The following RYR2 variants were observed in gnomAD, a reference collection of about 807,000 sequenced individuals.
RYR2 encodes ryanodine receptor 2, also known as cardiac muscle ryanodine receptor-calcium release channel.
Under a neutral mutation model 601.1 loss-of-function variants are expected in RYR2, and 227 were observed. That is an observed-to-expected ratio of 0.38 (90% confidence interval 0.34 to 0.42). RYR2 has a LOEUF of 0.42. Ranked by LOEUF, RYR2 falls within the 10% of genes least tolerant of loss-of-function variation. The probability of loss-of-function intolerance (pLI) is 1.00; values close to 1 mark genes in which losing one functional copy is unlikely to be tolerated. For missense variants in RYR2, 4,646 were observed against 6,156.5 expected, an observed-to-expected ratio of 0.75 and a Z score of 8.21; for synonymous variants, 2,223 against 2,175.1, an observed-to-expected ratio of 1.02 and a Z score of -0.61.
At position 237,784,195 on chromosome 1, in the gene RYR2, G is replaced by A. The variant is rs2149354021; in HGVS notation, c.12483G>A (p.Glu4161=). The change falls in exon 90 of 105, where the codon GAG becomes GAA. Residue 4161 remains glutamate (E), a synonymous_variant. Transcript: ENST00000366574. The surrounding 1 kb of genome is among the most constrained non-coding windows in gnomAD (Gnocchi z 7.1). ...EISESSRTQW[E]KPQVKESKRQ... is the part of the protein sequence containing the mutation. ...GTGAGTCCAGCCGAACCCAGTGGGA[G>A]AAGCCCCAGGTCAAGGAGTCCAAAA... is the stretch of plus-strand genomic sequence containing the variant. 1 of 1,614,036 alleles carries A rather than the reference G, an allele frequency of 6.2e-7. No homozygotes were observed.
intron 25 of RYR2, among the ~76,000 whole-genome samples, chr1:237,547,647 T>C (rs1470117120): frequency 6.6e-6 from 1 of 152,194 alleles, no homozygotes; most frequent in African/African-American, 2.4e-5. Context: ...TGAAGCGCTG[T>C]GTGTCTGTGT....
intron 1 of RYR2, among the ~76,000 whole-genome samples, chr1:237,101,783 A>C (rs1038776880): frequency 1.3e-5 from 2 of 152,240 alleles, no homozygotes; most frequent in Non-Finnish European, 2.9e-5. Flanking sequence ...AAAAGAAATT[A>C]TACCAAGTGT....
At chr1:237,553,686 A>G (rs957165256) in intron 27 of RYR2, among the ~76,000 whole-genome samples, 4 of 151,882 alleles carry the variant, frequency 2.6e-5, no homozygotes, top group African/African-American at 9.7e-5. Flanking sequence ...ACATTTGTCC[A>G]TTTATTTTCA....
chr1:237,625,356 T>A (rs1679536355), intron 39 of RYR2, among the ~76,000 whole-genome samples: 1 of 152,026 alleles, frequency 6.6e-6, no homozygotes, highest in Non-Finnish European at 1.5e-5. Flanking sequence ...TGCCCAAGGG[T>A]TAGCCCAAAT....
At chr1:237,633,521 A>T (rs1680560497) in intron 42 of RYR2, 57 bp from the exon 43 acceptor site, 2 of 1,607,252 alleles carry the variant, frequency 1.2e-6, no homozygotes, top group Non-Finnish European at 1.7e-6. Flanking sequence ...CAACGTATGA[A>T]CTCAATTTTA....
intron 1 of RYR2, among the ~76,000 whole-genome samples, chr1:237,111,198 T>A (rs1669427299): frequency 6.6e-6 from 1 of 152,248 alleles, no homozygotes; most frequent in African/African-American, 2.4e-5. Flanking sequence ...TTCACAGCAC[T>A]GTGCTTGTTG....
Position 237,723,126 on chromosome 1 carries a change from A to C in RYR2, c.10555-2A>C, listed in dbSNP as rs1251118085. ...ATTGTAACCTTTTCCTTTTTTCTGCAGTTGGAGGATCCTGCTATTAGATGG... is the reference window on the plus strand; with the variant it reads ...ATTGTAACCTTTTCCTTTTTTCTGCCGTTGGAGGATCCTGCTATTAGATGG... On this transcript the variant is annotated splice_acceptor_variant, in intron 73 of 104. Transcript: ENST00000366574. LOFTEE classifies it high-confidence loss of function. 1 of 1,600,326 alleles carries C rather than the reference A, an allele frequency of 6.2e-7. No homozygotes were observed. The highest frequency in any genetic ancestry group is 8.5e-7 in the Non-Finnish European group (1 of 1,175,714).
intron 29 of RYR2, among the ~76,000 whole-genome samples, chr1:237,572,241 A>G (rs1227003654): frequency 6.6e-6 from 1 of 152,124 alleles, no homozygotes; most frequent in Non-Finnish European, 1.5e-5. Context: ...GGCTGCTACT[A>G]TGGATGTGAC....
chr1:237,293,062 A>G (rs1180373207), intron 2 of RYR2, among the ~76,000 whole-genome samples: 1 of 151,956 alleles, frequency 6.6e-6, no homozygotes, highest in Non-Finnish European at 1.5e-5. Context: ...GTGGGGGCTT[A>G]TCTCCACACA....
chr1:237,732,951 C>T (rs1690818547), intron 78 of RYR2, among the ~76,000 whole-genome samples: 1 of 152,184 alleles, frequency 6.6e-6, no homozygotes, highest in African/African-American at 2.4e-5. Flanking sequence ...CATTTGACCT[C>T]TTTGCCTGCC....
chr1:237,706,191 G>A (rs536168530), intron 67 of RYR2, among the ~76,000 whole-genome samples: 32 of 152,266 alleles, frequency 2.1e-4, no homozygotes, highest in African/African-American at 7.7e-4. Context: ...AGAGTTTGCA[G>A]TGAGCCAAGA....
chr1:237,378,007 A>T (rs1399345921), intron 8 of RYR2, among the ~76,000 whole-genome samples: 1 of 152,220 alleles, frequency 6.6e-6, no homozygotes, highest in Non-Finnish European at 1.5e-5. Context: ...TTTCATGCTG[A>T]TGATAAAGAC....
chr1:237,080,139 TAA>T, intron 1 of RYR2, among the ~76,000 whole-genome samples: 1 of 34,340 alleles, frequency 2.9e-5, no homozygotes, highest in African/African-American at 1.4e-4. Context: ...CAAGATGGAT[TAA>T]AGATTTAAAC....
In RYR2 at chr1:237,610,423, T is replaced by C. The variant is rs144693210; in HGVS notation, c.4684-339T>C. On this transcript the variant is annotated intron_variant, in intron 35 of 104. Coordinates refer to ENST00000366574, the MANE Select transcript of RYR2 (RefSeq NM_001035.3). This position sits in a 1 kb window ranked among gnomAD's most constrained non-coding sequence, Gnocchi z 4.9. ...TTGGCACTGAAAGTCCCTAAAGACT[T>C]GCCAGCTTTCCCGGAGGTCCCAGCC... 3.6e-3 allele frequency among the ~76,000 whole-genome samples: 543 copies of C among 152,216 alleles called. 1 individual carries two copies. The highest frequency in any genetic ancestry group is 0.012 in the African/African-American group (517 of 41,542).
chr1:237,205,354 C>G (rs1035916104), intron 1 of RYR2, among the ~76,000 whole-genome samples: 1 of 152,144 alleles, frequency 6.6e-6, no homozygotes, highest in African/African-American at 2.4e-5. Flanking sequence ...CTGCCTGCCA[C>G]GAAATGCTCT....
chr1:237,687,366 C>CTTTTTTTTTTTTTTTTT lies in RYR2; in HGVS notation c.9018-87_9018-71dup. 4 of 257,686 alleles carry CTTTTTTTTTTTTTTTTT rather than the reference C, an allele frequency of 1.6e-5. 1 individual carries two copies. Among genetic ancestry groups the CTTTTTTTTTTTTTTTTT allele is most frequent in the East Asian group, 1.5e-4 (2 of 12,960 alleles). 16.0% of individuals were successfully genotyped at this position (257,686 alleles called of 1,614,324 possible). ...CTGTTTTTTTTTCTTTTTTCTTCTT[C>CTTTTTTTTTTTTTTTTT]TTTTTTTTTTTTTTTTTTAATTTCC... On this transcript the variant is annotated intron_variant, in intron 62 of 104. Transcript: ENST00000366574.
intron 1 of RYR2, among the ~76,000 whole-genome samples, chr1:237,060,342 AGCCTTT>A (rs1019449231): frequency 3.9e-5 from 6 of 152,232 alleles, no homozygotes; most frequent in Non-Finnish European, 1.5e-5. Flanking sequence ...CTAATTTATT[AGCCTTT>A]CATAGACTGT....
At chr1:237,498,159 C>T (rs777869501) in intron 20 of RYR2, among the ~76,000 whole-genome samples, 1 of 152,094 alleles carries the variant, frequency 6.6e-6, no homozygotes, top group South Asian at 2.1e-4. Context: ...AGCCACCGTA[C>T]CCAGCCTCAA....
intron 27 of RYR2, among the ~76,000 whole-genome samples, chr1:237,563,373 C>T (rs528494783): frequency 3.3e-5 from 5 of 149,498 alleles, no homozygotes; most frequent in Non-Finnish European, 5.9e-5. Flanking sequence ...ATGGTGCCAT[C>T]GCACTCCAGC....
Sources: gnomAD v4.1 joint callset for allele counts (sites outside exome capture counted in the v4.1 genomes callset) on GRCh38, gnomAD v4.1.1 for gene constraint, Gnocchi (gnomAD v3.1) non-coding constraint, MANE v1.5 for transcripts, NCBI Gene and HGNC (gene_info 2026-07-23, HGNC 2026-07-21) for gene names.